The following ARHGAP10 variants were observed in gnomAD, a reference collection of about 807,000 sequenced individuals.
ARHGAP10 encodes the protein Rho GTPase activating protein 10.
ARHGAP10 carries 87 observed loss-of-function variants against 108.6 expected under a neutral mutation model. That is an observed-to-expected ratio of 0.80 (90% confidence interval 0.67 to 0.96). The LOEUF is 0.96. Ranked by LOEUF, ARHGAP10 falls within the 40% of genes least tolerant of loss-of-function variation. The pLI is 0.00. For missense variants in ARHGAP10, 939 were observed against 954.5 expected, an observed-to-expected ratio of 0.98 and a Z score of 0.21; for synonymous variants, 347 against 341.1, an observed-to-expected ratio of 1.02 and a Z score of -0.19.
chr4:147,790,805 C>G (rs189959518), intron 1 of ARHGAP10, among the ~76,000 whole-genome samples: 94 of 152,258 alleles, frequency 6.2e-4, no homozygotes, highest in African/African-American at 2.1e-3. Flanking sequence ...ATAGAGAATA[C>G]TATACTGAAT....
At chr4:147,784,785 T>C (rs1224776389) in intron 1 of ARHGAP10, among the ~76,000 whole-genome samples, 1,173 of 39,076 alleles carry the variant, frequency 0.03, 259 homozygotes, top group East Asian at 0.12. Context: ...TAATATATTA[T>C]AAAATATATA....
chr4:147,961,378 C>G (rs552086439), intron 16 of ARHGAP10, among the ~76,000 whole-genome samples: 6 of 152,164 alleles, frequency 3.9e-5, no homozygotes, highest in African/African-American at 1.4e-4. Flanking sequence ...GCCCTTTTGT[C>G]TGTTGGATTG....
chr4:147,992,383 C>G (rs949279286), intron 18 of ARHGAP10, among the ~76,000 whole-genome samples: 1 of 152,144 alleles, frequency 6.6e-6, no homozygotes, highest in Non-Finnish European at 1.5e-5. Flanking sequence ...GGATTTTTCT[C>G]TAAAAAGCGT....
At chr4:147,941,825 A>G (rs1276268015) in intron 14 of ARHGAP10, among the ~76,000 whole-genome samples, 1 of 152,156 alleles carries the variant, frequency 6.6e-6, no homozygotes, top group South Asian at 2.1e-4. Flanking sequence ...TTGACAAAAT[A>G]TATTTATTTG....
At chr4:147,764,835 C>T (rs1025440773) in intron 1 of ARHGAP10, among the ~76,000 whole-genome samples, 21 of 152,100 alleles carry the variant, frequency 1.4e-4, no homozygotes, top group African/African-American at 4.6e-4. Flanking sequence ...GCACCCAGCC[C>T]AGTAAACATT....
At chr4:147,939,962 T>G in intron 14 of ARHGAP10, 63 bp downstream of exon 14, 3 of 1,387,336 alleles carry the variant, frequency 2.2e-6, no homozygotes, top group Non-Finnish European at 3.0e-6. Flanking sequence ...ACTTCACAGC[T>G]TAATATTTCA....
intron 20 of ARHGAP10, among the ~76,000 whole-genome samples, chr4:148,058,258 A>G (rs993799684): frequency 7.2e-5 from 11 of 152,044 alleles, no homozygotes; most frequent in Non-Finnish European, 1.0e-4. Context: ...CTGCTCAGAG[A>G]CCTGGCAAAT....
At chr4:147,823,027 G>A in intron 3 of ARHGAP10, 70 bp downstream of exon 3, 2 of 1,447,754 alleles carry the variant, frequency 1.4e-6, no homozygotes, top group South Asian at 1.2e-5. Context: ...TTGGAAGCTT[G>A]TTCTGGTAGA....
intron 1 of ARHGAP10, among the ~76,000 whole-genome samples, chr4:147,742,244 CT>C (rs1728709506): frequency 1.3e-5 from 2 of 152,062 alleles, no homozygotes; most frequent in Admixed American, 6.6e-5. Context: ...TTATTTAAGC[CT>C]TCAGTGCCTA....
chr4:147,836,791 CT>C (rs1211154476), intron 3 of ARHGAP10, among the ~76,000 whole-genome samples: 1 of 150,760 alleles, frequency 6.6e-6, no homozygotes, highest in Non-Finnish European at 1.5e-5. Context: ...AAATACCATA[CT>C]GGGATTTGTT....
intron 19 of ARHGAP10, 137 bp downstream of exon 19, chr4:148,023,550 C>A: frequency 9.4e-7 from 1 of 1,058,916 alleles, no homozygotes; most frequent in Non-Finnish European, 1.3e-6. Context: ...TTGAGATTTA[C>A]AGGGAGGGTG....
chr4:148,029,743 C>G (rs1435398260), intron 19 of ARHGAP10, among the ~76,000 whole-genome samples: 3 of 152,168 alleles, frequency 2.0e-5, no homozygotes, highest in African/African-American at 7.2e-5. Flanking sequence ...GCCATCTCCT[C>G]ACAGCAGTGT....
intron 18 of ARHGAP10, among the ~76,000 whole-genome samples, chr4:147,969,324 CTTTTTTTT>C (rs61078731): frequency 1.1e-5 from 1 of 93,870 alleles, no homozygotes; most frequent in African/African-American, 4.2e-5. Flanking sequence ...TTTGTTTTGC[CTTTTTTTT>C]TTTTTTTTTT....
At chr4:147,754,078 C>T (rs547225617) in intron 1 of ARHGAP10, among the ~76,000 whole-genome samples, 9 of 152,296 alleles carry the variant, frequency 5.9e-5, no homozygotes, top group African/African-American at 2.2e-4. Context: ...GTCTGTCTTT[C>T]GTCCTCCAGC....
intron 3 of ARHGAP10, among the ~76,000 whole-genome samples, chr4:147,834,640 G>T (rs1385641842): frequency 6.6e-6 from 1 of 151,774 alleles, no homozygotes; most frequent in Non-Finnish European, 1.5e-5. Flanking sequence ...GAATGGCACT[G>T]CAGCCTCACC....
At chr4:147,946,444 T>C (rs1738381847) in intron 14 of ARHGAP10, 173 bp from the exon 15 acceptor site, 3 of 509,634 alleles carry the variant, frequency 5.9e-6, no homozygotes, top group East Asian at 6.4e-5. Flanking sequence ...CAGAAGTGTC[T>C]AGTCATAGAA....
chr4:148,046,963 G>T lies in ARHGAP10; in HGVS notation c.1939G>T (p.Val647Leu), dbSNP rs200578124. 6.2e-7 allele frequency: 1 copy of T among 1,614,092 alleles called. No homozygotes were observed. The highest frequency in any genetic ancestry group is 1.1e-5 in the South Asian group (1 of 91,058). The change falls in exon 20 of 23, where the codon GTG (valine) becomes TTG (leucine). Residue 647 changes from valine to leucine, a missense_variant. Coordinates refer to ENST00000336498, the MANE Select transcript of ARHGAP10 (RefSeq NM_024605.4). ...SLDSLSSPSPVTTAVPGPPGP... is the reference protein window; with the variant it reads ...SLDSLSSPSPLTTAVPGPPGP... ...GGACTCACTTTCCTCCCCGTCTCCCGTGACTACAGCTGTCCCTGGGCCTCC... is the reference window on the plus strand; with the variant it reads ...GGACTCACTTTCCTCCCCGTCTCCCTTGACTACAGCTGTCCCTGGGCCTCC...
intron 7 of ARHGAP10, 149 bp downstream of exon 7, chr4:147,866,965 T>G: frequency 3.0e-6 from 2 of 674,536 alleles, no homozygotes; most frequent in Non-Finnish European, 4.9e-6. Context: ...TGGTCAACTC[T>G]TGGTGTGACC....
chr4:147,795,704 T>A (rs1462968759), intron 1 of ARHGAP10, among the ~76,000 whole-genome samples: 3 of 151,470 alleles, frequency 2.0e-5, no homozygotes, highest in East Asian at 3.8e-4. Context: ...AATTTAATTT[T>A]TTTTTTTTTG....
Sources: allele counts gnomAD v4.1 joint callset (sites outside exome capture counted in the v4.1 genomes callset), GRCh38; gene constraint gnomAD v4.1.1; transcripts MANE v1.5; gene names NCBI Gene and HGNC (gene_info 2026-07-23, HGNC 2026-07-21).